ELAVL2: variants seen among roughly 807,000 people sequenced by gnomAD.
ELAVL2 encodes the protein ELAV-like protein 2.
In ELAVL2, 4 loss-of-function variants were observed where a neutral mutation model predicts 34.6. That is an observed-to-expected ratio of 0.12 (90% CI 0.06 to 0.26). ELAVL2 has a LOEUF of 0.26. Among genes scored for constraint, ELAVL2 ranks in the 10% least tolerant of loss-of-function variants. ELAVL2 has a pLI of 1.00. For synonymous variants in ELAVL2, 193 were observed against 154.8 expected (o/e 1.25, Z -1.83); for missense variants, 432 against 442.8 (o/e 0.98, Z 0.22).
intron 1 of ELAVL2, among the ~76,000 whole-genome samples, chr9:23,806,630 A>T (rs977987754): frequency 6.6e-6 from 1 of 152,168 alleles, no homozygotes; most frequent in Admixed American, 6.6e-5. Context: ...TAAAAAAAAA[A>T]ATCAGTAATA....
chr9:23,758,470 AAT>A (rs1306409537), intron 2 of ELAVL2, among the ~76,000 whole-genome samples: 1 of 152,098 alleles, frequency 6.6e-6, no homozygotes, highest in African/African-American at 2.4e-5. Flanking sequence ...CCATATTACA[AAT>A]ATGTCAGTGG....
chr9:23,747,748 G>A (rs567787286), intron 2 of ELAVL2, among the ~76,000 whole-genome samples: 3 of 152,196 alleles, frequency 2.0e-5, no homozygotes, highest in African/African-American at 7.2e-5. Context: ...TACAACCCAG[G>A]GGAGGCTTTC....
chr9:23,769,753 G>A (rs1017037695), intron 1 of ELAVL2, among the ~76,000 whole-genome samples: 2 of 152,226 alleles, frequency 1.3e-5, no homozygotes, highest in African/African-American at 4.8e-5. Flanking sequence ...AGCTGCACGC[G>A]TCATAAGGAG....
intron 1 of ELAVL2, among the ~76,000 whole-genome samples, chr9:23,769,864 G>A (rs1285301165): frequency 6.6e-6 from 1 of 152,170 alleles, no homozygotes; most frequent in African/African-American, 2.4e-5. Context: ...TCTTTCTGAG[G>A]TTTTGTAGTT....
chr9:23,798,473 C>T (rs2061222368), intron 1 of ELAVL2, among the ~76,000 whole-genome samples: 2 of 152,264 alleles, frequency 1.3e-5, no homozygotes, highest in South Asian at 4.1e-4. Flanking sequence ...ACCTACATCT[C>T]AGAGTTTTGT....
At chr9:23,705,841 C>A (rs537876681) in intron 3 of ELAVL2, among the ~76,000 whole-genome samples, 16 of 152,258 alleles carry the variant, frequency 1.1e-4, no homozygotes, top group African/African-American at 3.9e-4. Context: ...GGGTCCATGG[C>A]CAGGGGTTGG....
At chr9:23,727,807 C>T (rs962757859) in intron 3 of ELAVL2, among the ~76,000 whole-genome samples, 4 of 152,038 alleles carry the variant, frequency 2.6e-5, no homozygotes, top group Non-Finnish European at 4.4e-5. Context: ...TTATTCAACA[C>T]ACCAACTACT....
chr9:23,730,133 G>A (rs2134464914), intron 3 of ELAVL2, among the ~76,000 whole-genome samples: 1 of 152,236 alleles, frequency 6.6e-6, no homozygotes, highest in Admixed American at 6.5e-5. Context: ...TCTGCACTGG[G>A]CAGGAGAGGG....
At chr9:23,812,506 C>G (rs1461653052) in intron 1 of ELAVL2, among the ~76,000 whole-genome samples, 1 of 152,008 alleles carries the variant, frequency 6.6e-6, no homozygotes, top group Non-Finnish European at 1.5e-5. Context: ...CCCACCCCAA[C>G]CCAGTAACTA....
chr9:23,777,298 G>A (rs562059246), intron 1 of ELAVL2, among the ~76,000 whole-genome samples: 1 of 152,132 alleles, frequency 6.6e-6, no homozygotes, highest in Non-Finnish European at 1.5e-5. Flanking sequence ...AGGGAACCAT[G>A]ACCCTGAACC....
chr9:23,843,763 A>C, the ELAVL2 span, among the ~76,000 whole-genome samples: 1 of 152,038 alleles, frequency 6.6e-6, no homozygotes, highest in African/African-American at 2.4e-5. Context: ...CACAGTTTAC[A>C]AGATACTTTT....
At chr9:23,792,851 G>A (rs1203865642) in intron 1 of ELAVL2, among the ~76,000 whole-genome samples, 2 of 151,908 alleles carry the variant, frequency 1.3e-5, no homozygotes, top group Non-Finnish European at 2.9e-5. Flanking sequence ...GCTCACGGTG[G>A]CCTCCAACTC....
intron 5 of ELAVL2, among the ~76,000 whole-genome samples, chr9:23,700,199 T>A (rs572886445): frequency 2.6e-5 from 4 of 152,304 alleles, no homozygotes; most frequent in African/African-American, 9.6e-5. Context: ...ATAAATAAAA[T>A]TGATATGCAC....
intron 3 of ELAVL2, among the ~76,000 whole-genome samples, chr9:23,717,703 C>T (rs1277986990): frequency 6.6e-6 from 1 of 152,170 alleles, no homozygotes; most frequent in Non-Finnish European, 1.5e-5. Context: ...TTGTATTCTG[C>T]ACTTACTCAT....
intron 2 of ELAVL2, 102 bp downstream of exon 2, chr9:23,761,904 A>G: frequency 7.3e-7 from 1 of 1,374,658 alleles, no homozygotes; most frequent in Non-Finnish European, 9.6e-7. Flanking sequence ...CTAGATATGT[A>G]AAATTGCAGC....
intron 2 of ELAVL2, among the ~76,000 whole-genome samples, chr9:23,755,682 A>G (rs2053380301): frequency 6.6e-6 from 1 of 152,182 alleles, no homozygotes; most frequent in Non-Finnish European, 1.5e-5. Flanking sequence ...CAGTTAACGC[A>G]CTGCGGACCA....
chr9:23,833,542 T>G, the ELAVL2 span, among the ~76,000 whole-genome samples: 1 of 151,828 alleles, frequency 6.6e-6, no homozygotes. Context: ...ATTTCAAAAC[T>G]AAGATAATTT....
rs12352504 is a variant in ELAVL2, at chr9:23,753,386, A to G, written c.229+8620T>C. ...AAAGGAAATGTTCCAACAGGTACAG[A>G]ATAAAAGTGCTTCGGTCTATTCTGA... On this transcript the variant is annotated intron_variant, in intron 2 of 6. Transcript: ENST00000397312. Among the ~76,000 whole-genome samples, 1,432 of 152,266 alleles carry G rather than the reference A, an allele frequency of 9.4e-3. 18 individuals carry two copies. The highest frequency in any genetic ancestry group is 0.032 in the African/African-American group (1,318 of 41,552).
At chr9:23,711,918 T>G (rs1006751579) in intron 3 of ELAVL2, among the ~76,000 whole-genome samples, 2 of 152,182 alleles carry the variant, frequency 1.3e-5, no homozygotes, top group African/African-American at 2.4e-5. Flanking sequence ...AGCCACAATC[T>G]TTGTCATATA....
Sources: gnomAD v4.1 joint callset for allele counts (sites outside exome capture counted in the v4.1 genomes callset) on GRCh38, gnomAD v4.1.1 for gene constraint, MANE v1.5 for transcripts, NCBI Gene and HGNC (gene_info 2026-07-23, HGNC 2026-07-21) for gene names.